The following ATOSA variants were observed in gnomAD, a reference collection of about 807,000 sequenced individuals.
ATOSA encodes the protein atos homolog protein A.
At chr15:52,642,735 T>G in the ATOSA span, among the ~76,000 whole-genome samples, 1 of 152,158 alleles carries the variant, frequency 6.6e-6, no homozygotes, top group East Asian at 1.9e-4. Context: ...CATATCTGAC[T>G]CCTCACCATT....
chr15:52,593,877 C>G, the ATOSA span: 1 of 871,454 alleles, frequency 1.1e-6, no homozygotes, highest in Non-Finnish European at 1.7e-6. Flanking sequence ...AGCACTAGAA[C>G]AGTGGTTGTT....
the ATOSA span, among the ~76,000 whole-genome samples, chr15:52,619,744 T>C: frequency 1.3e-5 from 2 of 151,474 alleles, no homozygotes; most frequent in African/African-American, 4.9e-5. Context: ...AGATGGGAGA[T>C]CACTTGAACC....
the ATOSA span, among the ~76,000 whole-genome samples, chr15:52,707,063 G>A: frequency 6.6e-6 from 1 of 152,136 alleles, no homozygotes; most frequent in African/African-American, 2.4e-5. Context: ...TAATAAAACT[G>A]TAAACAAATG....
At chr15:52,701,764 C>A in the ATOSA span, among the ~76,000 whole-genome samples, 8 of 152,150 alleles carry the variant, frequency 5.3e-5, no homozygotes, top group Middle Eastern at 3.4e-3. Flanking sequence ...GTAAAATTAA[C>A]ATACAAATGA....
chr15:52,663,072 C>T, the ATOSA span, among the ~76,000 whole-genome samples: 1 of 152,192 alleles, frequency 6.6e-6, no homozygotes, highest in African/African-American at 2.4e-5. Context: ...CTAATCTCTC[C>T]CTATTCCAAA....
At chr15:52,686,309 C>T in the ATOSA span, among the ~76,000 whole-genome samples, 1 of 152,166 alleles carries the variant, frequency 6.6e-6, no homozygotes, top group Non-Finnish European at 1.5e-5. Flanking sequence ...ATACATTGGA[C>T]TTGAAAAGTA....
the ATOSA span, among the ~76,000 whole-genome samples, chr15:52,637,979 CT>C: frequency 6.6e-6 from 1 of 152,082 alleles, no homozygotes; most frequent in Non-Finnish European, 1.5e-5. Flanking sequence ...TTTTTCTTGT[CT>C]TTTTGTAATG....
chr15:52,605,116 A>C, the ATOSA span: 4 of 1,550,546 alleles, frequency 2.6e-6, no homozygotes, highest in Non-Finnish European at 2.6e-6. Context: ...GCATGAGATA[A>C]GAAAAAAAAT....
chr15:52,636,359 T>C, the ATOSA span, among the ~76,000 whole-genome samples: 9 of 152,078 alleles, frequency 5.9e-5, no homozygotes, highest in African/African-American at 2.2e-4. Flanking sequence ...ATGGGCTAAA[T>C]TGTGTCCCTT....
the ATOSA span, among the ~76,000 whole-genome samples, chr15:52,652,811 G>A: frequency 6.6e-6 from 1 of 152,132 alleles, no homozygotes. Context: ...ATTACCCAGA[G>A]ATATAGAAGT....
chr15:52,615,545 G>T, the ATOSA span, among the ~76,000 whole-genome samples: 1 of 152,186 alleles, frequency 6.6e-6, no homozygotes, highest in Non-Finnish European at 1.5e-5. Flanking sequence ...ATGCAGCATG[G>T]AATGGGAAGA....
chr15:52,663,041 T>C, the ATOSA span, among the ~76,000 whole-genome samples: 3 of 152,300 alleles, frequency 2.0e-5, no homozygotes, highest in African/African-American at 4.8e-5. Context: ...TCAAACTCCT[T>C]TTAGCTTAAC....
At chr15:52,658,206 C>T in the ATOSA span, 1 of 152,206 alleles carries the variant, frequency 6.6e-6, no homozygotes, top group East Asian at 1.9e-4. Context: ...ATATACATCA[C>T]AGGCTGCCAC....
chr15:52,665,944 A>G, the ATOSA span, among the ~76,000 whole-genome samples: 1 of 152,352 alleles, frequency 6.6e-6, no homozygotes, highest in African/African-American at 2.4e-5. Context: ...TTAGGTAAAA[A>G]AAGTTTCCTA....
chr15:52,703,267 A>G, the ATOSA span, among the ~76,000 whole-genome samples: 3 of 152,194 alleles, frequency 2.0e-5, no homozygotes, highest in African/African-American at 4.8e-5. Context: ...GAATTTATTT[A>G]AAAGAGACAC....
the ATOSA span, among the ~76,000 whole-genome samples, chr15:52,588,732 G>A: frequency 2.0e-5 from 3 of 152,314 alleles, no homozygotes; most frequent in Admixed American, 1.3e-4. Flanking sequence ...GATGACAGGC[G>A]TGAGCCATCG....
At chr15:52,706,869 T>C in the ATOSA span, among the ~76,000 whole-genome samples, 12,774 of 152,140 alleles carry the variant, frequency 0.084, 927 homozygotes, top group East Asian at 0.33. Context: ...AGAGAGAAAG[T>C]AGACTAGTGT....
chr15:52,684,324 C>A, the ATOSA span, among the ~76,000 whole-genome samples: 1 of 152,158 alleles, frequency 6.6e-6, no homozygotes, highest in Non-Finnish European at 1.5e-5. Context: ...TGCTTGAGGT[C>A]AGGAATTCGA....
the ATOSA span, among the ~76,000 whole-genome samples, chr15:52,702,932 T>C: frequency 6.6e-6 from 1 of 152,084 alleles, no homozygotes; most frequent in Non-Finnish European, 1.5e-5. Context: ...CAAAAACACA[T>C]GTCCACACAA....
Sources: gnomAD v4.1 joint callset for allele counts (sites outside exome capture counted in the v4.1 genomes callset) on GRCh38, gnomAD v4.1.1 for gene constraint, MANE v1.5 for transcripts, NCBI Gene and HGNC (gene_info 2026-07-23, HGNC 2026-07-21) for gene names.